HGF: variants seen among roughly 807,000 people sequenced by gnomAD.
The protein encoded by HGF is hepatocyte growth factor.
Under a neutral mutation model 111.6 loss-of-function variants are expected in HGF, and 39 were observed. The observed-to-expected ratio is 0.35, with a 90% CI of 0.27 to 0.46. HGF has a LOEUF of 0.46. Ranked by LOEUF, HGF falls within the 20% of genes least tolerant of loss-of-function variation. The pLI, the probability that HGF is intolerant of heterozygous loss-of-function variation, is 1.00. For synonymous variants in HGF, 285 were observed against 294.8 expected (o/e 0.97, Z 0.34); for missense variants, 735 against 910.5 (o/e 0.81, Z 2.48).
At chr7:81,742,653 G>A (rs1226931506) in intron 7 of HGF, 2 of 1,196,844 alleles carry the variant, frequency 1.7e-6, no homozygotes, top group Non-Finnish European at 2.1e-6. Flanking sequence ...CCATAGAGGA[G>A]AGGACCAAGT....
chr7:81,725,770 G>T (rs1180039033), intron 9 of HGF, 120 bp downstream of exon 9: 4 of 1,146,902 alleles, frequency 3.5e-6, no homozygotes, highest in African/African-American at 1.5e-5. Context: ...TGGTGATTTT[G>T]TTTGCAAGCC....
rs562185059 is a variant in HGF at position 81,711,435 on chromosome 7, C to A, written c.1444+46G>T. The stretch of plus-strand genomic sequence containing the variant: ...AAGAAATAATGACACTTCTGACACA[C>A]AGAGAGAGACTCAGAATATACTTTA... On this transcript the variant is annotated intron_variant, in intron 12 of 17. Transcript: ENST00000222390. The A allele has an allele frequency of 9.0e-6, 10 of 1,113,048 alleles. No homozygotes were observed. In the African/African-American group the frequency reaches 1.4e-4, roughly 16 times the overall value. 68.9% of individuals were successfully genotyped at this position (1,113,048 alleles called of 1,614,324 possible).
chr7:81,728,899 T>G (rs1344854058), intron 8 of HGF, among the ~76,000 whole-genome samples: 1 of 152,232 alleles, frequency 6.6e-6, no homozygotes, highest in African/African-American at 2.4e-5. Context: ...AAGCAATCAC[T>G]TTATGTTCCT....
At chr7:81,724,474 T>C (rs1168236501) in intron 9 of HGF, among the ~76,000 whole-genome samples, 1 of 152,142 alleles carries the variant, frequency 6.6e-6, no homozygotes, top group African/African-American at 2.4e-5. Flanking sequence ...TAGAACATGA[T>C]CATTTAAAAA....
intron 1 of HGF, among the ~76,000 whole-genome samples, chr7:81,764,112 A>G (rs774674759): frequency 6.6e-6 from 1 of 152,144 alleles, no homozygotes; most frequent in East Asian, 1.9e-4. Flanking sequence ...AAATGTGTCA[A>G]AAAAGGAGAG....
intron 7 of HGF, chr7:81,742,615 A>T: frequency 2.4e-6 from 2 of 828,466 alleles, no homozygotes; most frequent in Non-Finnish European, 3.1e-6. Flanking sequence ...AATATTGTTT[A>T]AGAGAACAGT....
At chr7:81,740,315 C>G (rs1382648668) in intron 7 of HGF, among the ~76,000 whole-genome samples, 2 of 152,096 alleles carry the variant, frequency 1.3e-5, no homozygotes, top group Non-Finnish European at 2.9e-5. Context: ...AGAAAACTGG[C>G]CCAGTTAATG....
At position 81,707,298 on chromosome 7, in the gene HGF, G is replaced by A; in HGVS notation, c.1608C>T (p.Phe536=). ...TTTTAAAAACACTTTACCGAGAAGG[G>A]AAACACTGTCGTGCAGTAAGAACCC... ...ESWVLTARQC[F]PSRDLKDYEA... The change falls in exon 14 of 18, where the codon TTC becomes TTT. Residue 536 remains phenylalanine, a synonymous_variant. Transcript: ENST00000222390. 1 of 1,575,238 alleles carries A rather than the reference G, an allele frequency of 6.3e-7. No individual in the cohort carries two copies. The highest frequency in any genetic ancestry group is 8.7e-7 in the Non-Finnish European group (1 of 1,145,224).
At chr7:81,758,964 C>A (rs752711311) in intron 2 of HGF, among the ~76,000 whole-genome samples, 160 bp from the exon 3 acceptor site, 1 of 151,956 alleles carries the variant, frequency 6.6e-6, no homozygotes, top group Non-Finnish European at 1.5e-5. Flanking sequence ...TTGAACCTAC[C>A]ATTTTGATAG....
chr7:81,734,238 A>C (rs1360865263), intron 7 of HGF, among the ~76,000 whole-genome samples: 2 of 152,156 alleles, frequency 1.3e-5, no homozygotes, highest in Non-Finnish European at 2.9e-5. Context: ...CCAACAAAGA[A>C]AACATTTTGC....
intron 13 of HGF, among the ~76,000 whole-genome samples, chr7:81,709,254 T>A (rs766079295): frequency 2.0e-5 from 3 of 152,106 alleles, no homozygotes; most frequent in Non-Finnish European, 4.4e-5. Flanking sequence ...CCACAGTGTG[T>A]TGTGGGAACA....
intron 9 of HGF, among the ~76,000 whole-genome samples, chr7:81,725,451 AAGCAAGTAAGATCTTAT>A (rs1789980831): frequency 6.6e-6 from 1 of 152,180 alleles, no homozygotes; most frequent in Admixed American, 6.5e-5. Flanking sequence ...CTTATATGTT[AAGCAAGTAAGATCTTAT>A]AGCAAGTAAG....
At position 81,742,851 on chromosome 7, in the gene HGF, C is replaced by T. The variant is rs1188843909; in HGVS notation, c.865+502G>A. ...AGGGATCAGCTATAAAGATTAGAGA[C>T]ATCTGTGATAAACTTCTATTAGACT... On this transcript the variant is annotated intron_variant, in intron 7 of 17. Transcript: ENST00000222390. 12 of 1,594,608 alleles carry T rather than the reference C, an allele frequency of 7.5e-6. No homozygotes were observed. In the East Asian group the frequency reaches 2.3e-4, roughly 30 times the overall value.
intron 9 of HGF, among the ~76,000 whole-genome samples, chr7:81,722,899 T>A (rs1464949281): frequency 6.7e-6 from 1 of 150,278 alleles, no homozygotes; most frequent in Non-Finnish European, 1.5e-5. Flanking sequence ...ATTCTACTTT[T>A]AAAAATATTC....
Position 81,702,541 on chromosome 7 carries a change from A to T in HGF, c.*40T>A, listed in dbSNP as rs377185441. 2 of 1,481,440 alleles carry T rather than the reference A, an allele frequency of 1.4e-6. No homozygotes were observed. Among genetic ancestry groups the T allele is most frequent in the East Asian group, 4.5e-5 (2 of 44,170 alleles). 91.8% of individuals were successfully genotyped at this position (1,481,440 alleles called of 1,614,324 possible). ...ATTCTCTGAAATCTTCATGTAAAAGACAGTTGTATTGGTGGGTGCTTCAGA... is the reference window on the plus strand; with the variant it reads ...ATTCTCTGAAATCTTCATGTAAAAGTCAGTTGTATTGGTGGGTGCTTCAGA... On this transcript the variant is annotated 3_prime_UTR_variant, in exon 18 of 18. Transcript: ENST00000222390.
chr7:81,720,954 T>G, intron 9 of HGF, 107 bp from the exon 10 acceptor site: 1 of 724,512 alleles, frequency 1.4e-6, no homozygotes, highest in Non-Finnish European at 2.5e-6. Flanking sequence ...AAAATTAAAG[T>G]ACTTGAAAGG....
rs1249789201 is a variant in HGF, at chr7:81,729,628, C to T, written c.1017G>A (p.Met339Ile). 5.0e-6 allele frequency: 8 copies of T among 1,613,716 alleles called. No individual in the cohort carries two copies. In the Admixed American group the frequency reaches 1.2e-4, roughly 24 times the overall value. Residue 339 changes from methionine to isoleucine, a missense_variant, in exon 8 of 18, where the codon ATG becomes ATA. Physicochemically the swap from Met to Ile is conservative, Grantham distance 10. Coordinates refer to ENST00000222390, the MANE Select transcript of HGF (RefSeq NM_000601.6). ...ACTTGCACTTGAAATTTTCAGGAGTCATGTCATGCTCGTGAGGATACTGAG... is the reference window on the plus strand; with the variant it reads ...ACTTGCACTTGAAATTTTCAGGAGTTATGTCATGCTCGTGAGGATACTGAG... ...WDSQYPHEHD[M>I]TPENFKCKDL... is the part of the protein sequence containing the mutation.
At chr7:81,742,652 A>G in intron 7 of HGF, 4 of 1,190,290 alleles carry the variant, frequency 3.4e-6, no homozygotes, top group Non-Finnish European at 4.3e-6. Context: ...ACCATAGAGG[A>G]GAGGACCAAG....
rs1291288318 is a variant in HGF, at chr7:81,744,941, A to G, written c.746+59T>C. The G allele has an allele frequency of 5.1e-6, 8 of 1,558,772 alleles. No homozygotes were observed. In the Admixed American group the frequency reaches 1.2e-4, roughly 23 times the overall value. On this transcript the variant is annotated intron_variant, in intron 6 of 17. Transcript: ENST00000222390. Reference sequence around the variant, plus strand: ...AAGAGAATTTCCACAGCAGTGTGTCATAGAGTGAATAATAGTTTGTAAAAG... The same window carrying G: ...AAGAGAATTTCCACAGCAGTGTGTCGTAGAGTGAATAATAGTTTGTAAAAG...
Sources: allele counts gnomAD v4.1 joint callset (sites outside exome capture counted in the v4.1 genomes callset), GRCh38; gene constraint gnomAD v4.1.1; transcripts MANE v1.5; gene names NCBI Gene and HGNC (gene_info 2026-07-23, HGNC 2026-07-21).